SNRK: variants seen among roughly 807,000 people sequenced by gnomAD.
SNRK encodes the protein SNF related kinase.
Under a neutral mutation model 48.2 loss-of-function variants are expected in SNRK, and 3 were observed. The ratio of observed to expected loss-of-function variants is 0.06; its 90% CI spans 0.03 to 0.16. The LOEUF (loss-of-function observed/expected upper bound fraction) is 0.16. Ranked by LOEUF, SNRK falls within the 10% of genes least tolerant of loss-of-function variation. SNRK has a pLI of 1.00. For synonymous variants in SNRK, 376 were observed against 366.1 expected (o/e 1.03, Z -0.31); for missense variants, 627 against 976.0 (o/e 0.64, Z 4.76).
At chr3:43,315,937 C>T (rs2091010394) in intron 3 of SNRK, among the ~76,000 whole-genome samples, 1 of 152,172 alleles carries the variant, frequency 6.6e-6, no homozygotes, top group South Asian at 2.1e-4. Context: ...AAAATCTTTT[C>T]CTAAGCTTCC....
At chr3:43,287,789 T>C (rs540300496) in intron 1 of SNRK, among the ~76,000 whole-genome samples, 123 of 152,320 alleles carry the variant, frequency 8.1e-4, no homozygotes, top group African/African-American at 2.9e-3. Flanking sequence ...TCAGAATATA[T>C]ACAGCAGTGT....
Position 43,327,599 on chromosome 3 carries a change from T to C in SNRK, c.590-4570T>C, listed in dbSNP as rs575003435. On this transcript the variant is annotated intron_variant, in intron 3 of 6. Coordinates refer to ENST00000296088, the MANE Select transcript of SNRK (RefSeq NM_017719.5). The stretch of plus-strand genomic sequence containing the variant: ...TTATTATTTTCTAATCCTCCTCTTT[T>C]GTTGTATAGATAATTCAGTTTAGAA... Among the ~76,000 whole-genome samples, 23 of 152,344 alleles carry C rather than the reference T, an allele frequency of 1.5e-4. No individual in the cohort carries two copies. In the South Asian group the frequency reaches 4.8e-3, roughly 32 times the overall value.
At chr3:43,297,028 A>G (rs1299993279) in intron 1 of SNRK, among the ~76,000 whole-genome samples, 1 of 152,228 alleles carries the variant, frequency 6.6e-6, no homozygotes, top group Non-Finnish European at 1.5e-5. Flanking sequence ...ATTTAGGTCC[A>G]GCCTAGTTAT....
chr3:43,312,359 C>T (rs1345999505), intron 3 of SNRK, among the ~76,000 whole-genome samples: 1 of 152,212 alleles, frequency 6.6e-6, no homozygotes, highest in Non-Finnish European at 1.5e-5. Flanking sequence ...TGTTTAGAGT[C>T]ATGGGGTGTG....
rs2091285988 is a variant in SNRK, at chr3:43,347,524, C to T, written c.1265C>T (p.Pro422Leu). Residue 422 changes from proline (P) to leucine (L), a missense_variant, in exon 7 of 7, where the codon CCA (proline) becomes CTA (leucine). Around this residue, in one of 4 missense-constraint regions of SNRK, gnomAD observed 175 missense variants for 209.7 expected, o/e 0.83. Transcript: ENST00000296088. This position sits in a 1 kb window ranked among gnomAD's most constrained non-coding sequence, Gnocchi z 5.4. Reference protein sequence around the residue: ...KKDDLPELAGPALSTVPPASL... With the variant: ...KKDDLPELAGLALSTVPPASL... ...GATGACCTCCCTGAGTTGGCTGGAC[C>T]AGCACTCTCTACGGTGCCACCCGCA... is the stretch of plus-strand genomic sequence containing the variant. The T allele has an allele frequency of 1.2e-6, 2 of 1,613,374 alleles. No individual in the cohort carries two copies. Among genetic ancestry groups the T allele is most frequent in the African/African-American group, 2.7e-5 (2 of 74,878 alleles).
chr3:43,343,112 C>T (rs984703799), intron 5 of SNRK: 2 of 442,578 alleles, frequency 4.5e-6, no homozygotes, highest in African/African-American at 2.0e-5. Flanking sequence ...ATTTTTCTCT[C>T]ATTTACGAAA....
In SNRK at chr3:43,343,431, A is replaced by C. The variant is rs1404416885; in HGVS notation, c.1032A>C (p.Glu344Asp). ...ERILREKQEK[E>D]IQTRSASPSN... is the part of the protein sequence containing the mutation. ...TCCTGAGAGAAAAGCAAGAGAAAGA[A>C]ATACAGACCAGATCTGCAAGCCCGA... is the stretch of plus-strand genomic sequence containing the variant. Residue 344 changes from glutamate (E) to aspartate (D), a missense_variant, in exon 6 of 7, where the codon GAA becomes GAC. Glu to Asp is a conservative substitution (Grantham distance 45). Around this residue, in one of 4 missense-constraint regions of SNRK, gnomAD observed 175 missense variants for 209.7 expected, o/e 0.83. Transcript: ENST00000296088. The C allele has an allele frequency of 6.2e-7, 1 of 1,614,114 alleles. No homozygotes were observed. The highest frequency in any genetic ancestry group is 8.5e-7 in the Non-Finnish European group (1 of 1,180,050).
chr3:43,347,626 A>G lies in SNRK; in HGVS notation c.1367A>G (p.Lys456Arg), dbSNP rs575732643. 3.1e-6 allele frequency: 5 copies of G among 1,613,968 alleles called. No homozygotes were observed. The highest frequency in any genetic ancestry group is 2.2e-5 in the South Asian group (2 of 91,078). ...EEDEEEDEED[K>R]KPMSLSTQVV... The stretch of plus-strand genomic sequence containing the variant: ...GATGAAGAGGAAGATGAGGAGGACA[A>G]GAAACCCATGTCCCTCTCAACACAA... The change falls in exon 7 of 7, where the codon AAG becomes AGG. Residue 456 changes from lysine (K) to arginine (R), a missense_variant. Lys to Arg is a conservative substitution (Grantham distance 26). Coordinates refer to ENST00000296088, the MANE Select transcript of SNRK (RefSeq NM_017719.5). The surrounding 1 kb of genome is among the most constrained non-coding windows in gnomAD (Gnocchi z 5.4).
At chr3:43,319,027 CA>C (rs573381074) in intron 3 of SNRK, among the ~76,000 whole-genome samples, 4,054 of 68,768 alleles carry the variant, frequency 0.059, 125 homozygotes, top group African/African-American at 0.16. Flanking sequence ...GACTTTGTCT[CA>C]AAAAAAAAAA....
chr3:43,302,689 A>G lies in SNRK; in HGVS notation c.-106-409A>G, dbSNP rs17075514. On this transcript the variant is annotated intron_variant, in intron 2 of 6. Transcript: ENST00000296088. ...AGGAAGTGGTGTTGGTCTTGGGGAA[A>G]CTGAAAAGTTGTTGGGTTTCTGTGC... Among the ~76,000 whole-genome samples, 1,255 of 151,752 alleles carry G rather than the reference A, an allele frequency of 8.3e-3. 17 individuals are homozygous for G. Among genetic ancestry groups the G allele is most frequent in the African/African-American group, 0.029 (1,203 of 41,348 alleles).
At position 43,303,899 on chromosome 3, in the gene SNRK, G is replaced by C; in HGVS notation, c.589+107G>C. Reference sequence around the variant, plus strand: ...TTTCTAGAGAATTTCTGTTAAATTGGCCTTAACTAGCAAATTGGGTTTCAT... The same window carrying C: ...TTTCTAGAGAATTTCTGTTAAATTGCCCTTAACTAGCAAATTGGGTTTCAT... On this transcript the variant is annotated intron_variant, in intron 3 of 6. Transcript: ENST00000296088. The surrounding 1 kb of genome is among the most constrained non-coding windows in gnomAD (Gnocchi z 6.2). 1.2e-6 allele frequency: 1 copy of C among 800,852 alleles called. No homozygotes were observed. Among genetic ancestry groups the C allele is most frequent in the African/African-American group, 1.7e-5 (1 of 58,214 alleles). The allele number at this position is 800,852 out of a possible 1,614,324, so 49.6% of individuals were successfully genotyped here.
chr3:43,287,997 G>A (rs2090779577), intron 1 of SNRK, among the ~76,000 whole-genome samples: 1 of 152,172 alleles, frequency 6.6e-6, no homozygotes, highest in Non-Finnish European at 1.5e-5. Flanking sequence ...AATTAGACAA[G>A]TTTCTTTTTT....
In SNRK at chr3:43,349,439, T is replaced by TGTG. The variant is rs2091305643; in HGVS notation, c.*883_*884insTGG. On this transcript the variant is annotated 3_prime_UTR_variant, in exon 7 of 7. Coordinates refer to ENST00000296088, the MANE Select transcript of SNRK (RefSeq NM_017719.5). ...GAACTATAGGGCCTAGTACAGAAGG[T>TGTG]GCACACAAATGTTGGCAAAGTCAAA... The TGTG allele has an allele frequency of 6.6e-6, 1 of 152,372 alleles. No individual in the cohort carries two copies. The highest frequency in any genetic ancestry group is 6.5e-5 in the Admixed American group (1 of 15,286). 9.4% of individuals were successfully genotyped at this position (152,372 alleles called of 1,614,324 possible). A position where few individuals can be genotyped will look rare whatever the true frequency, so the allele number is the denominator to read the frequency against.
chr3:43,314,828 T>C (rs1350727210), intron 3 of SNRK: 1 of 152,130 alleles, frequency 6.6e-6, no homozygotes, highest in Non-Finnish European at 1.5e-5. Context: ...GAAGATTGCT[T>C]GAGCCCAGGA....
intron 2 of SNRK, among the ~76,000 whole-genome samples, chr3:43,300,926 T>A (rs1434050092): frequency 1.3e-5 from 2 of 152,272 alleles, no homozygotes; most frequent in African/African-American, 4.8e-5. Context: ...AAGCACGGAC[T>A]TTGGTGTCAG....
intron 4 of SNRK, among the ~76,000 whole-genome samples, chr3:43,339,593 G>A (rs769523317): frequency 2.6e-5 from 4 of 151,686 alleles, no homozygotes; most frequent in East Asian, 2.0e-4. Flanking sequence ...CGAGGCGGGC[G>A]AATCACTAGG....
chr3:43,340,270 C>CTT lies in SNRK; in HGVS notation c.732-16_732-15dup, dbSNP rs1343266194. The stretch of plus-strand genomic sequence containing the variant: ...GCAAGCAGTTTGCTTTAACAATGGA[C>CTT]TTACCTTCCTTTCCAGCCTAATCAC... On this transcript the variant is annotated splice_polypyrimidine_tract_variant and intron_variant, in intron 4 of 6. Transcript: ENST00000296088. The CTT allele has an allele frequency of 5.0e-6, 8 of 1,606,480 alleles. No homozygotes were observed. The Admixed American group carries it at 1.0e-4, about 20-fold the overall frequency.
intron 3 of SNRK, among the ~76,000 whole-genome samples, chr3:43,322,244 A>G (rs563186667): frequency 6.6e-6 from 1 of 152,370 alleles, no homozygotes; most frequent in African/African-American, 2.4e-5. Flanking sequence ...CAACATTTGG[A>G]GAAGAAATGA....
intron 3 of SNRK, among the ~76,000 whole-genome samples, chr3:43,310,437 C>G (rs2090971206): frequency 6.6e-6 from 1 of 151,852 alleles, no homozygotes; most frequent in Non-Finnish European, 1.5e-5. Context: ...GTTTTTACTT[C>G]TTTTTTGGTT....
Sources: allele counts gnomAD v4.1 joint callset (sites outside exome capture counted in the v4.1 genomes callset), GRCh38; gene constraint gnomAD v4.1.1; regional missense constraint gnomAD v4.1.1; non-coding constraint Gnocchi (gnomAD v3.1); transcripts MANE v1.5; gene names NCBI Gene and HGNC (gene_info 2026-07-23, HGNC 2026-07-21).